Variants in SURF1 observed in about 807,000 individuals in gnomAD.
The protein encoded by SURF1 is SURF1 cytochrome c oxidase assembly factor.
In SURF1, 45 loss-of-function variants were observed where a neutral mutation model predicts 34.1. That is an observed-to-expected ratio of 1.32 (90% CI 1.04 to 1.69). The LOEUF (loss-of-function observed/expected upper bound fraction) is 1.69, where lower values mean the gene tolerates loss of function less well. Among genes scored for constraint, SURF1 ranks in the 40% most tolerant of loss-of-function variants. The pLI, the probability that SURF1 is intolerant of heterozygous loss-of-function variation, is 0.00. For synonymous variants in SURF1, 188 were observed against 147.5 expected, an observed-to-expected ratio of 1.27 and a Z score of -1.99; for missense variants, 456 against 384.6, an observed-to-expected ratio of 1.19 and a Z score of -1.55.
rs2130019655 is a variant in SURF1, at chr9:133,354,905, G to A, written c.159C>T (p.Ala53=). The A allele has an allele frequency of 6.2e-7, 1 of 1,613,948 alleles. No homozygotes were observed. The highest frequency in any genetic ancestry group is 1.7e-5 in the Admixed American group (1 of 60,024). ...RCGSSAAEAS[A]TKAEDDSFLQ... ...GAAAGGAGTCATCTTCCGCTTTTGT[G>A]GCAGATGCTTCTGCTGCAGAACTGC... The change falls in exon 3 of 9, where the codon GCC becomes GCT. Residue 53 remains alanine (A), a synonymous_variant. Transcript: ENST00000371974.
At chr9:133,355,684 CTCT>C (rs2130022434) in intron 2 of SURF1, among the ~76,000 whole-genome samples, 47 of 152,304 alleles carry the variant, frequency 3.1e-4, no homozygotes, top group African/African-American at 9.9e-4. Flanking sequence ...TCACAGAGCT[CTCT>C]TAACAGCTTT....
intron 4 of SURF1, 39 bp from the exon 5 acceptor site, chr9:133,353,979 C>T: frequency 6.2e-7 from 1 of 1,612,844 alleles, no homozygotes; most frequent in Non-Finnish European, 8.5e-7. Flanking sequence ...CAAGGTTTGG[C>T]TGGAAAACGA....
At chr9:133,353,614 G>A (rs1392690856) in intron 5 of SURF1, 135 bp downstream of exon 5, 2 of 988,550 alleles carry the variant, frequency 2.0e-6, no homozygotes, top group Non-Finnish European at 1.6e-6. Context: ...AACTATGCAA[G>A]GAATTGAATC....
rs2130010505 is a variant in SURF1 at position 133,352,815 on chromosome 9, GACAGTCACTC to G, written c.516-59_516-50del. 576 of 1,566,242 alleles carry G rather than the reference GACAGTCACTC, an allele frequency of 3.7e-4. 7 individuals are homozygous for G. In the South Asian group the frequency reaches 6.1e-3, roughly 17 times the overall value. On this transcript the variant is annotated intron_variant, in intron 5 of 8. Transcript: ENST00000371974. ...CAGGTGGGGAGGGTTTTTGACTAAAGACAGTCACTCATGGTCACTCAGGCACCCATAGGAA... is the reference window on the plus strand; with the variant it reads ...CAGGTGGGGAGGGTTTTTGACTAAAGATGGTCACTCAGGCACCCATAGGAA...
chr9:133,352,186 A>G, intron 7 of SURF1, 44 bp from the exon 8 acceptor site: 1 of 1,546,588 alleles, frequency 6.5e-7, no homozygotes. Context: ...CTGGCCTGCC[A>G]GCCTCTGCAC....
At chr9:133,352,856 A>G in intron 5 of SURF1, 90 bp from the exon 6 acceptor site, 1 of 1,379,110 alleles carries the variant, frequency 7.3e-7, no homozygotes, top group Non-Finnish European at 1.0e-6. Context: ...AGGAACAACT[A>G]GAGCACCAAG....
intron 5 of SURF1, among the ~76,000 whole-genome samples, chr9:133,353,061 G>T (rs1007225360): frequency 6.6e-6 from 1 of 152,132 alleles, no homozygotes; most frequent in African/African-American, 2.4e-5. Flanking sequence ...GGTGAGCAAC[G>T]CTGCCACGCC....
chr9:133,354,028 C>G, intron 4 of SURF1, 88 bp from the exon 5 acceptor site: 3 of 1,488,438 alleles, frequency 2.0e-6, no homozygotes, highest in Non-Finnish European at 2.8e-6. Flanking sequence ...CCACCAGGGC[C>G]AGACAAGTGA....
chr9:133,355,686 CTT>C (rs1309506003), intron 2 of SURF1, among the ~76,000 whole-genome samples: 1 of 152,206 alleles, frequency 6.6e-6, no homozygotes, highest in East Asian at 1.9e-4. Flanking sequence ...ACAGAGCTCT[CTT>C]AACAGCTTTC....
chr9:133,355,727 G>C (rs950285581), intron 2 of SURF1, among the ~76,000 whole-genome samples: 1 of 152,130 alleles, frequency 6.6e-6, no homozygotes, highest in Non-Finnish European at 1.5e-5. Flanking sequence ...TAAATGTAAA[G>C]AGGGAAGAAT....
intron 4 of SURF1, among the ~76,000 whole-genome samples, 195 bp downstream of exon 4, chr9:133,354,464 C>T (rs1391620007): frequency 2.6e-5 from 4 of 152,116 alleles, no homozygotes; most frequent in African/African-American, 4.8e-5. Flanking sequence ...TGTCAGGAGG[C>T]GGTCTCAGGT....
In SURF1 at chr9:133,356,287, T is replaced by C. The variant is rs1258493998; in HGVS notation, c.88A>G (p.Arg30Gly). The change falls in exon 2 of 9, where the codon AGG (arginine) becomes GGG (glycine). Residue 30 changes from arginine (R) to glycine (G), a missense_variant. Arg to Gly is a moderately radical substitution (Grantham distance 125, BLOSUM62 -2). Transcript: ENST00000371974. ...CCCTCACCTGGGCGCGGGGAGACCC[T>C]GAGGACGCTCCTCCAGGCGGCGCTG... The part of the protein sequence containing the change: ...PASAAWRSVL[R>G]VSPRPGVAWR... The C allele has an allele frequency of 2.0e-6, 3 of 1,530,418 alleles. No individual in the cohort carries two copies. The highest frequency in any genetic ancestry group is 2.6e-6 in the Non-Finnish European group (3 of 1,145,204). The allele number at this position is 1,530,418 out of a possible 1,614,324, so 94.8% of individuals were successfully genotyped here.
At position 133,356,432 on chromosome 9, in the gene SURF1, G is replaced by C; in HGVS notation, c.22C>G (p.Gln8Glu). 1 of 1,407,958 alleles carries C rather than the reference G, an allele frequency of 7.1e-7. No homozygotes were observed. The highest frequency in any genetic ancestry group is 3.1e-5 in the East Asian group (1 of 32,082). The allele number at this position is 1,407,958 out of a possible 1,614,324, so 87.2% of individuals were successfully genotyped here. A position where few individuals can be genotyped will look rare whatever the true frequency, so the allele number is the denominator to read the frequency against. The change falls in exon 1 of 9, where the codon CAG becomes GAG. Residue 8 changes from glutamine to glutamate, a missense_variant. By Grantham distance (29) the Gln-to-Glu change is conservative. Coordinates refer to ENST00000371974, the MANE Select transcript of SURF1 (RefSeq NM_003172.4). MAAVAAL[Q>E]LGLRAAGLGR... is the part of the protein sequence containing the mutation. ...AGCCCCGCCGCCCGCAGCCCCAGCT[G>C]CAACGCAGCCACCGCCGCCATCGCA... is the stretch of plus-strand genomic sequence containing the variant.
chr9:133,352,020 A>G, intron 8 of SURF1, 38 bp from the exon 9 acceptor site: 3 of 1,613,136 alleles, frequency 1.9e-6, no homozygotes, highest in Non-Finnish European at 2.5e-6. Flanking sequence ...GCAGGCTGCT[A>G]GGCTGAAGGG....
chr9:133,351,825 G>A lies in SURF1; in HGVS notation c.*88C>T, dbSNP rs981092694. ...TGAGCTCATTTAAGGTAGAAGGCCA[G>A]AACTTTATACCAGTAGCACATGATC... On this transcript the variant is annotated 3_prime_UTR_variant, in exon 9 of 9. Coordinates refer to ENST00000371974, the MANE Select transcript of SURF1 (RefSeq NM_003172.4). 2.8e-6 allele frequency: 4 copies of A among 1,433,672 alleles called. No homozygotes were observed. Among genetic ancestry groups the A allele is most frequent in the Non-Finnish European group, 3.9e-6 (4 of 1,035,762 alleles). The allele number at this position is 1,433,672 out of a possible 1,614,324, so 88.8% of individuals were successfully genotyped here.
rs1836590157 is a variant in SURF1 at position 133,356,420 on chromosome 9, G to T, written c.34C>A (p.Arg12=). Residue 12 remains arginine (R), a synonymous_variant, in exon 1 of 9, where the codon CGG becomes AGG. Transcript: ENST00000371974. The stretch of plus-strand genomic sequence containing the variant: ...CTCACCCGTCCCAGCCCCGCCGCCC[G>T]CAGCCCCAGCTGCAACGCAGCCACC... The part of the protein sequence containing the change: ...AAVAALQLGL[R]AAGLGRAPAS... 2.2e-6 allele frequency: 3 copies of T among 1,358,566 alleles called. No individual in the cohort carries two copies. In the African/African-American group the frequency reaches 4.9e-5, roughly 22 times the overall value. 84.2% of individuals were successfully genotyped at this position (1,358,566 alleles called of 1,614,324 possible).
At position 133,353,775 on chromosome 9, in the gene SURF1, G is replaced by C. The variant is rs2130014414; in HGVS notation, c.489C>G (p.Val163=). ...SSSTQSGAYV[V]TPFHCTDLGV... ...CCAGGTCGGTGCAGTGGAAGGGAGT[G>C]ACCACATAGGCCCCACTCTGAGTTG... Residue 163 remains valine (V), a synonymous_variant, in exon 5 of 9, where the codon GTC becomes GTG. Coordinates refer to ENST00000371974, the MANE Select transcript of SURF1 (RefSeq NM_003172.4). 3 of 1,613,722 alleles carry C rather than the reference G, an allele frequency of 1.9e-6. No individual in the cohort carries two copies. The highest frequency in any genetic ancestry group is 1.3e-5 in the African/African-American group (1 of 74,944).
rs2130015253 is a variant in SURF1 at position 133,353,894 on chromosome 9, C to T, written c.370G>A (p.Gly124Arg). Reference sequence around the variant, plus strand: ...AGCTCCTTGGAATGGTCAAAGCACCCCCTGACCTTCACTGGCCTATACTCC... The same window carrying T: ...AGCTCCTTGGAATGGTCAAAGCACCTCCTGACCTTCACTGGCCTATACTCC... The part of the protein sequence containing the change: ...NLEYRPVKVR[G>R]CFDHSKELYM... The change falls in exon 5 of 9, where the codon GGG becomes AGG. Residue 124 changes from glycine to arginine, a missense_variant. Coordinates refer to ENST00000371974, the MANE Select transcript of SURF1 (RefSeq NM_003172.4). 7 of 1,613,900 alleles carry T rather than the reference C, an allele frequency of 4.3e-6. No homozygotes were observed. The highest frequency in any genetic ancestry group is 5.9e-6 in the Non-Finnish European group (7 of 1,180,036).
Position 133,351,864 on chromosome 9 carries a change from G to A in SURF1, c.*49C>T, listed in dbSNP as rs931126829. 1.1e-5 allele frequency: 18 copies of A among 1,583,746 alleles called. No homozygotes were observed. Among genetic ancestry groups the A allele is most frequent in the Middle Eastern group, 1.7e-4 (1 of 6,030 alleles). On this transcript the variant is annotated 3_prime_UTR_variant, in exon 9 of 9. Transcript: ENST00000371974. ...TAGCACATGATCCAGCATAAAGGCA[G>A]TCTTGAAATACTGCATTATCCAGGG...
Sources: allele counts gnomAD v4.1 joint callset (sites outside exome capture counted in the v4.1 genomes callset), GRCh38; gene constraint gnomAD v4.1.1; transcripts MANE v1.5; gene names NCBI Gene and HGNC (gene_info 2026-07-23, HGNC 2026-07-21).